PRKCA: variants seen among roughly 807,000 people sequenced by gnomAD.
PRKCA encodes the protein protein kinase C alpha, also known as protein kinase C alpha type.
PRKCA carries 27 observed loss-of-function variants against 87.0 expected under a neutral mutation model. The ratio of observed to expected loss-of-function variants is 0.31; its 90% CI spans 0.23 to 0.43. PRKCA has a LOEUF of 0.43. Ranked by LOEUF, PRKCA falls within the 20% of genes least tolerant of loss-of-function variation. The pLI is 1.00. For missense variants in PRKCA, 518 were observed against 852.3 expected, an observed-to-expected ratio of 0.61 and a Z score of 4.88; for synonymous variants, 329 against 311.1, an observed-to-expected ratio of 1.06 and a Z score of -0.61.
intron 3 of PRKCA, among the ~76,000 whole-genome samples, chr17:66,563,832 C>G (rs919867049): frequency 6.6e-6 from 1 of 152,178 alleles, no homozygotes; most frequent in African/African-American, 2.4e-5. Flanking sequence ...GGATTTCAGA[C>G]TTAGTATAAA....
chr17:66,341,122 A>T (rs945466932), intron 2 of PRKCA, among the ~76,000 whole-genome samples: 1 of 152,170 alleles, frequency 6.6e-6, no homozygotes, highest in Admixed American at 6.5e-5. Context: ...ACCTCAGGAT[A>T]CATTGCCGAA....
chr17:66,565,792 G>C (rs781625493), intron 3 of PRKCA, among the ~76,000 whole-genome samples: 18 of 151,922 alleles, frequency 1.2e-4, no homozygotes, highest in Non-Finnish European at 1.8e-4. Context: ...AGAAACACTT[G>C]GAACCTGTTT....
chr17:66,515,202 G>A (rs1966927250), intron 3 of PRKCA, among the ~76,000 whole-genome samples: 2 of 149,826 alleles, frequency 1.3e-5, no homozygotes, highest in Admixed American at 1.3e-4. Context: ...GTTGCAGTGA[G>A]CCGAGGTTGC....
At chr17:66,349,748 T>C (rs1907622522) in intron 2 of PRKCA, among the ~76,000 whole-genome samples, 2 of 152,234 alleles carry the variant, frequency 1.3e-5, no homozygotes, top group Admixed American at 1.3e-4. Flanking sequence ...TTGGCCTGGC[T>C]CCCAAAAACT....
At chr17:66,330,963 G>T (rs1906289000) in intron 2 of PRKCA, among the ~76,000 whole-genome samples, 1 of 152,154 alleles carries the variant, frequency 6.6e-6, no homozygotes, top group Admixed American at 6.5e-5. Flanking sequence ...ACTTTCATCT[G>T]TATTAGTAAT....
At chr17:66,505,096 A>C (rs1433962068) in intron 3 of PRKCA, among the ~76,000 whole-genome samples, 1 of 152,226 alleles carries the variant, frequency 6.6e-6, no homozygotes, top group African/African-American at 2.4e-5. Context: ...AAAAAACTCC[A>C]GTGCTAATTC....
intron 3 of PRKCA, among the ~76,000 whole-genome samples, chr17:66,517,103 G>A (rs914255365): frequency 4.6e-5 from 7 of 152,116 alleles, no homozygotes; most frequent in African/African-American, 1.2e-4. Flanking sequence ...GGCCAACATG[G>A]TGAAACCCTG....
At chr17:66,679,194 T>C (rs199964436) in intron 5 of PRKCA, among the ~76,000 whole-genome samples, 6,189 of 92,260 alleles carry the variant, frequency 0.067, 165 homozygotes, top group East Asian at 0.19. Context: ...TTTTTTTTTT[T>C]CTTTGAGACA....
At chr17:66,341,589 T>C (rs1907048243) in intron 2 of PRKCA, among the ~76,000 whole-genome samples, 1 of 152,120 alleles carries the variant, frequency 6.6e-6, no homozygotes, top group Non-Finnish European at 1.5e-5. Flanking sequence ...TCCCAAACAA[T>C]CCTACGGTTT....
intron 8 of PRKCA, among the ~76,000 whole-genome samples, chr17:66,725,200 A>C (rs1228370760): frequency 6.6e-6 from 1 of 152,192 alleles, no homozygotes; most frequent in African/African-American, 2.4e-5. Context: ...GCTTGAGAGA[A>C]GGAGTTCAGA....
intron 3 of PRKCA, among the ~76,000 whole-genome samples, chr17:66,604,239 A>G (rs1337991283): frequency 1.3e-5 from 2 of 149,376 alleles, no homozygotes; most frequent in Non-Finnish European, 1.5e-5. Context: ...CTTTGGTGAC[A>G]TCTGCAAGAA....
intron 2 of PRKCA, among the ~76,000 whole-genome samples, chr17:66,320,695 CTG>C (rs1905605598): frequency 6.6e-6 from 1 of 152,186 alleles, no homozygotes; most frequent in African/African-American, 2.4e-5. Flanking sequence ...AATTTTAACT[CTG>C]TGATTCTCTG....
chr17:66,515,861 G>T (rs980084941), intron 3 of PRKCA, among the ~76,000 whole-genome samples: 1 of 152,002 alleles, frequency 6.6e-6, no homozygotes, highest in African/African-American at 2.4e-5. Flanking sequence ...TTTTGTTTTT[G>T]TTTTTTGTTT....
At chr17:66,419,236 G>T (rs551783787) in intron 2 of PRKCA, among the ~76,000 whole-genome samples, 1 of 152,242 alleles carries the variant, frequency 6.6e-6, no homozygotes, top group East Asian at 1.9e-4. Flanking sequence ...ACCTCTTTCT[G>T]TAAGCATACT....
At chr17:66,603,986 T>TA (rs1257099052) in intron 3 of PRKCA, among the ~76,000 whole-genome samples, 3 of 152,322 alleles carry the variant, frequency 2.0e-5, no homozygotes, top group African/African-American at 7.2e-5. Context: ...GCTGTATGGA[T>TA]ATACCGCCCT....
chr17:66,435,239 A>G lies in PRKCA; in HGVS notation c.206-60962A>G, dbSNP rs73333350. On this transcript the variant is annotated intron_variant, in intron 2 of 16. Coordinates refer to ENST00000413366, the MANE Select transcript of PRKCA (RefSeq NM_002737.3). ...ACTGCGTCCTGGCCCTCTCTGTCCA[A>G]TGCCTTCCTGATTCTCCCCCACTTA... 2.6e-3 allele frequency among the ~76,000 whole-genome samples: 391 copies of G among 152,298 alleles called. 3 individuals carry two copies. Among genetic ancestry groups the G allele is most frequent in the African/African-American group, 8.9e-3 (370 of 41,550 alleles).
chr17:66,434,861 C>G (rs1383984330), intron 2 of PRKCA, among the ~76,000 whole-genome samples: 4 of 152,190 alleles, frequency 2.6e-5, no homozygotes, highest in African/African-American at 9.7e-5. Context: ...CAAGTACAAT[C>G]ATAACATCAA....
In PRKCA at chr17:66,803,140, AACAGCCGAG is replaced by A. The variant is rs1158587418; in HGVS notation, c.1855-727_1855-719del. On this transcript the variant is annotated intron_variant, in intron 16 of 16. Coordinates refer to ENST00000413366, the MANE Select transcript of PRKCA (RefSeq NM_002737.3). The surrounding 1 kb of genome is among the most constrained non-coding windows in gnomAD (Gnocchi z 4.4). ...CCTGGAGTGGACCCTGGAGGAGAGG[AACAGCCGAG>A]ACAGCAGGCCTCTCCCTGCCTCCCC... Among the ~76,000 whole-genome samples the A allele has an allele frequency of 6.6e-6, 1 of 152,084 alleles. No individual in the cohort carries two copies. Among genetic ancestry groups the A allele is most frequent in the Non-Finnish European group, 1.5e-5 (1 of 68,010 alleles).
chr17:66,766,630 A>G (rs945143800), intron 13 of PRKCA, among the ~76,000 whole-genome samples: 4 of 152,082 alleles, frequency 2.6e-5, no homozygotes, highest in African/African-American at 9.7e-5. Context: ...CAACATGGCA[A>G]AACCCTGTCT....
Sources: gnomAD v4.1 joint callset for allele counts (sites outside exome capture counted in the v4.1 genomes callset) on GRCh38, gnomAD v4.1.1 for gene constraint, Gnocchi (gnomAD v3.1) non-coding constraint, MANE v1.5 for transcripts, NCBI Gene and HGNC (gene_info 2026-07-23, HGNC 2026-07-21) for gene names.